PCNX2: variants seen among roughly 807,000 people sequenced by gnomAD.
The protein encoded by PCNX2 is pecanex 2.
In PCNX2, 168 loss-of-function variants were observed where a neutral mutation model predicts 223.8. The ratio of observed to expected loss-of-function variants is 0.75; its 90% CI spans 0.66 to 0.85. The LOEUF is 0.85. Ranked by LOEUF, PCNX2 falls within the 40% of genes least tolerant of loss-of-function variation. PCNX2 has a pLI of 0.00. For synonymous variants in PCNX2, 1,006 were observed against 1,052.6 expected (o/e 0.96, Z 0.86); for missense variants, 2,507 against 2,675.5 (o/e 0.94, Z 1.39).
chr1:233,136,785 G>C (rs1382965913), intron 20 of PCNX2, among the ~76,000 whole-genome samples: 2 of 152,158 alleles, frequency 1.3e-5, no homozygotes, highest in East Asian at 3.9e-4. Context: ...AACCCCTGTG[G>C]AAAGCCAAAG....
chr1:233,060,848 T>C (rs1672380618), intron 23 of PCNX2, among the ~76,000 whole-genome samples: 1 of 152,242 alleles, frequency 6.6e-6, no homozygotes, highest in South Asian at 2.1e-4. Context: ...ACAAGAGTCG[T>C]ATAACAGGAC....
chr1:233,083,796 A>G (rs1460044151), intron 23 of PCNX2, among the ~76,000 whole-genome samples: 1 of 152,146 alleles, frequency 6.6e-6, no homozygotes, highest in African/African-American at 2.4e-5. Context: ...GAAAAATAAT[A>G]TTTATAGGGC....
At chr1:233,115,813 A>G (rs554055638) in intron 21 of PCNX2, among the ~76,000 whole-genome samples, 2 of 152,222 alleles carry the variant, frequency 1.3e-5, no homozygotes, top group Non-Finnish European at 2.9e-5. Context: ...AAACACTACC[A>G]TATCAATGAT....
Position 233,190,695 on chromosome 1 carries a change from A to G in PCNX2, c.3066+8244T>C, listed in dbSNP as rs189318874. Among the ~76,000 whole-genome samples, 4 of 152,320 alleles carry G rather than the reference A, an allele frequency of 2.6e-5. No individual in the cohort carries two copies. The East Asian group carries it at 7.7e-4, about 29-fold the overall frequency. ...CTGGTCAAAGCCTGTTTCAACACCT[A>G]AGTAAACCCCAGAGTTCTTGAAGTG... On this transcript the variant is annotated intron_variant, in intron 15 of 33. Transcript: ENST00000258229.
At chr1:233,075,696 AACACACACACACAC>A (rs369431993) in intron 23 of PCNX2, among the ~76,000 whole-genome samples, 8 of 137,240 alleles carry the variant, frequency 5.8e-5, no homozygotes, top group Admixed American at 1.5e-4. Flanking sequence ...GTTAGCTTAA[AACACACACACACAC>A]ACACACACAC....
chr1:233,139,862 GA>G lies in PCNX2; in HGVS notation c.3518-8del. 6.2e-7 allele frequency: 1 copy of G among 1,609,100 alleles called. No homozygotes were observed. The highest frequency in any genetic ancestry group is 8.5e-7 in the Non-Finnish European group (1 of 1,178,104). On this transcript the variant is annotated splice_region_variant and splice_polypyrimidine_tract_variant and intron_variant, in intron 19 of 33. Transcript: ENST00000258229. This position sits in a 1 kb window ranked among gnomAD's most constrained non-coding sequence, Gnocchi z 4.4. ...CACATTAAATGGGCAACATCTGAAA[GA>G]AATATAAAAACCACTTAGAACAACC...
At chr1:232,994,422 C>G (rs957466139) in intron 32 of PCNX2, among the ~76,000 whole-genome samples, 1 of 152,222 alleles carries the variant, frequency 6.6e-6, no homozygotes, top group African/African-American at 2.4e-5. Flanking sequence ...GGACATTTAC[C>G]CAATGCTTGT....
Position 233,246,761 on chromosome 1 carries a change from A to G in PCNX2, c.2222+3978T>C, listed in dbSNP as rs115302302. On this transcript the variant is annotated intron_variant, in intron 8 of 33. Coordinates refer to ENST00000258229, the MANE Select transcript of PCNX2 (RefSeq NM_014801.4). The stretch of plus-strand genomic sequence containing the variant: ...TGGCTCTGCTCTGGTTCCATTCTTT[A>G]CCTTTACCATTAGAGATACAGCGAT... Among the ~76,000 whole-genome samples, 1,035 of 152,116 alleles carry G rather than the reference A, an allele frequency of 6.8e-3. 7 individuals carry two copies. Among genetic ancestry groups the G allele is most frequent in the Non-Finnish European group, 9.8e-3 (666 of 67,990 alleles).
chr1:233,241,555 C>T (rs1337533675), intron 8 of PCNX2, among the ~76,000 whole-genome samples: 3 of 152,250 alleles, frequency 2.0e-5, no homozygotes, highest in African/African-American at 7.2e-5. Context: ...CCAAGGTAGA[C>T]CCAGGTGATC....
intron 23 of PCNX2, among the ~76,000 whole-genome samples, chr1:233,060,247 C>G (rs949845619): frequency 6.6e-6 from 1 of 152,196 alleles, no homozygotes; most frequent in Non-Finnish European, 1.5e-5. Context: ...TGAAGTCCCA[C>G]GTCTGCATAG....
rs1662007896 is a variant in PCNX2 at position 233,295,213 on chromosome 1, T to A, written c.153+113A>T. On this transcript the variant is annotated intron_variant, in intron 1 of 33. Coordinates refer to ENST00000258229, the MANE Select transcript of PCNX2 (RefSeq NM_014801.4). This position sits in a 1 kb window ranked among gnomAD's most constrained non-coding sequence, Gnocchi z 4.1. ...TCTGAAGCCCCTCCCTTTCCGTCTCTTAAGAATCTCTACGAACCCGAAAGC... is the reference window on the plus strand; with the variant it reads ...TCTGAAGCCCCTCCCTTTCCGTCTCATAAGAATCTCTACGAACCCGAAAGC... 1 of 1,450,322 alleles carries A rather than the reference T, an allele frequency of 6.9e-7. No individual in the cohort carries two copies. 89.8% of individuals were successfully genotyped at this position (1,450,322 alleles called of 1,614,324 possible). A position where few individuals can be genotyped will look rare whatever the true frequency, so the allele number is the denominator to read the frequency against.
chr1:233,218,163 A>G lies in PCNX2; in HGVS notation c.2526T>C (p.Asn842=), dbSNP rs1446825312. 7.0e-7 allele frequency: 1 copy of G among 1,430,998 alleles called. No homozygotes were observed. Among genetic ancestry groups the G allele is most frequent in the Non-Finnish European group, 9.3e-7 (1 of 1,078,994 alleles). 88.6% of individuals were successfully genotyped at this position (1,430,998 alleles called of 1,614,324 possible). A position where few individuals can be genotyped will look rare whatever the true frequency, so the allele number is the denominator to read the frequency against. The change falls in exon 11 of 34, where the codon AAT becomes AAC. Residue 842 remains asparagine, a synonymous_variant. Coordinates refer to ENST00000258229, the MANE Select transcript of PCNX2 (RefSeq NM_014801.4). ...GGACAATGAGTAAAATCGCCAGTAC[A>G]TTCTCCTTGATGTCTTCAGTTCTGT... ...LLDRTEDIKE[N]VLAILLIVLV...
chr1:233,221,487 C>A (rs949363161), intron 10 of PCNX2, among the ~76,000 whole-genome samples: 2 of 152,198 alleles, frequency 1.3e-5, no homozygotes, highest in African/African-American at 4.8e-5. Flanking sequence ...CCTCTGCCCC[C>A]AGGTTCCCAA....
rs78579154 is a variant in PCNX2 at position 233,243,496 on chromosome 1, T to C, written c.2223-6516A>G. Among the ~76,000 whole-genome samples, 1,300 of 152,300 alleles carry C rather than the reference T, an allele frequency of 8.5e-3. 17 individuals carry two copies. Among genetic ancestry groups the C allele is most frequent in the African/African-American group, 0.029 (1,214 of 41,562 alleles). The stretch of plus-strand genomic sequence containing the variant: ...TGCATTAAAAGCCAAGGACATAATA[T>C]TAAAGGACCTACTCTAAAATTATCA... On this transcript the variant is annotated intron_variant, in intron 8 of 33. Coordinates refer to ENST00000258229, the MANE Select transcript of PCNX2 (RefSeq NM_014801.4).
At chr1:233,161,996 A>G (rs1053049763) in intron 17 of PCNX2, among the ~76,000 whole-genome samples, 5 of 148,568 alleles carry the variant, frequency 3.4e-5, no homozygotes, top group African/African-American at 1.2e-4. Context: ...ATATATTTAT[A>G]TATACATGTA....
At chr1:233,261,114 G>A (rs16858909) in intron 4 of PCNX2, among the ~76,000 whole-genome samples, 171 bp downstream of exon 4, 1,882 of 152,148 alleles carry the variant, frequency 0.012, 48 homozygotes, top group African/African-American at 0.042. Flanking sequence ...TACAAATACC[G>A]ATGAGAAAAA....
intron 21 of PCNX2, among the ~76,000 whole-genome samples, chr1:233,127,935 TA>T (rs1388646412): frequency 6.6e-6 from 1 of 151,864 alleles, no homozygotes; most frequent in Non-Finnish European, 1.5e-5. Flanking sequence ...TTTGAACAAG[TA>T]CTTCTGTATA....
chr1:233,207,547 A>T (rs1380698663), intron 13 of PCNX2, among the ~76,000 whole-genome samples: 1 of 152,204 alleles, frequency 6.6e-6, no homozygotes, highest in East Asian at 1.9e-4. Flanking sequence ...AGGGACAACA[A>T]CAGCTGATGC....
At position 233,153,378 on chromosome 1, in the gene PCNX2, T is replaced by C. The variant is rs530857933; in HGVS notation, c.3517+6905A>G. Among the ~76,000 whole-genome samples the C allele has an allele frequency of 7.2e-5, 11 of 152,256 alleles. No homozygotes were observed. In the South Asian group the frequency reaches 2.3e-3, roughly 32 times the overall value. On this transcript the variant is annotated intron_variant, in intron 19 of 33. Coordinates refer to ENST00000258229, the MANE Select transcript of PCNX2 (RefSeq NM_014801.4). ...ATAGATTATGTGACAGATTCGTCTGTGTGGAAAGTTGGAATGAGAAATATA... is the reference window on the plus strand; with the variant it reads ...ATAGATTATGTGACAGATTCGTCTGCGTGGAAAGTTGGAATGAGAAATATA...
Sources: gnomAD v4.1 joint callset for allele counts (sites outside exome capture counted in the v4.1 genomes callset) on GRCh38, gnomAD v4.1.1 for gene constraint, Gnocchi (gnomAD v3.1) non-coding constraint, MANE v1.5 for transcripts, NCBI Gene and HGNC (gene_info 2026-07-23, HGNC 2026-07-21) for gene names.